The following NOS1AP variants were observed in gnomAD, a reference collection of about 807,000 sequenced individuals.
The protein encoded by NOS1AP is carboxyl-terminal PDZ ligand of neuronal nitric oxide synthase protein.
A neutral mutation model predicts 56.2 loss-of-function variants in NOS1AP; 21 were observed. The ratio of observed to expected loss-of-function variants is 0.37; its 90% CI spans 0.26 to 0.54. The LOEUF (loss-of-function observed/expected upper bound fraction) is 0.54. NOS1AP is among the 20% of genes least tolerant of loss of function. The pLI, the probability that NOS1AP is intolerant of heterozygous loss-of-function variation, is 0.84. For missense variants in NOS1AP, 522 were observed against 657.8 expected (o/e 0.79, Z 2.26); for synonymous variants, 270 against 274.6 (o/e 0.98, Z 0.17).
chr1:162,245,740 A>G (rs1469958186), intron 2 of NOS1AP, among the ~76,000 whole-genome samples: 2 of 152,226 alleles, frequency 1.3e-5, no homozygotes, highest in East Asian at 1.9e-4. Context: ...CAGAACGAGA[A>G]CATCTGTTTA....
At chr1:162,307,519 C>T (rs530746935) in intron 4 of NOS1AP, among the ~76,000 whole-genome samples, 1 of 152,314 alleles carries the variant, frequency 6.6e-6, no homozygotes, top group East Asian at 1.9e-4. Context: ...AATTAGAAGT[C>T]TAGGCCAGAC....
chr1:162,209,582 T>G (rs145976023), intron 2 of NOS1AP, among the ~76,000 whole-genome samples: 68 of 152,326 alleles, frequency 4.5e-4, no homozygotes, highest in African/African-American at 1.5e-3. Flanking sequence ...ATAAATGATC[T>G]TTATGATACC....
intron 1 of NOS1AP, among the ~76,000 whole-genome samples, chr1:162,101,522 G>A (rs778505534): frequency 1.3e-5 from 2 of 152,252 alleles, no homozygotes; most frequent in Non-Finnish European, 2.9e-5. Context: ...ATTACTTTGG[G>A]CAGTATGTAC....
At position 162,304,866 on chromosome 1, in the gene NOS1AP, T is replaced by C. The variant is rs183631156; in HGVS notation, c.344+4160T>C. On this transcript the variant is annotated intron_variant, in intron 4 of 9. Coordinates refer to ENST00000361897, the MANE Select transcript of NOS1AP (RefSeq NM_014697.3). Reference sequence around the variant, plus strand: ...TCCATTTTATCATGAACAAGGTTATTTATTATGATAATATGGTAACATTTA... The same window carrying C: ...TCCATTTTATCATGAACAAGGTTATCTATTATGATAATATGGTAACATTTA... 3.1e-3 allele frequency among the ~76,000 whole-genome samples: 464 copies of C among 151,998 alleles called. 3 individuals are homozygous for C. Among genetic ancestry groups the C allele is most frequent in the African/African-American group, 0.01 (435 of 41,464 alleles).
intron 2 of NOS1AP, among the ~76,000 whole-genome samples, chr1:162,260,220 G>A (rs1196723506): frequency 1.3e-5 from 2 of 152,106 alleles, no homozygotes. Flanking sequence ...ATTCTGGATG[G>A]CCCATATGGA....
chr1:162,290,953 T>C (rs954971279), intron 3 of NOS1AP, among the ~76,000 whole-genome samples: 1 of 151,976 alleles, frequency 6.6e-6, no homozygotes, highest in Non-Finnish European at 1.5e-5. Flanking sequence ...TCTGGAACCA[T>C]GCTTTTTGGT....
rs1018409341 is a variant in NOS1AP at position 162,188,038 on chromosome 1, T to C, written c.177+33562T>C. ...TGCCATCTTACTGTGAAGAAGCCCC[T>C]TCCTAGCAAGGAAAACTAGCAGCAG... On this transcript the variant is annotated intron_variant, in intron 2 of 9. Transcript: ENST00000361897. This position sits in a 1 kb window ranked among gnomAD's most constrained non-coding sequence, Gnocchi z 4.0. Among the ~76,000 whole-genome samples, 1 of 152,178 alleles carries C rather than the reference T, an allele frequency of 6.6e-6. No homozygotes were observed. Among genetic ancestry groups the C allele is most frequent in the Non-Finnish European group, 1.5e-5 (1 of 68,010 alleles).
At chr1:162,108,205 A>T (rs1175422832) in intron 1 of NOS1AP, among the ~76,000 whole-genome samples, 6 of 152,170 alleles carry the variant, frequency 3.9e-5, no homozygotes, top group Admixed American at 2.6e-4. Flanking sequence ...CAGGAGATAT[A>T]CAAGATGTGC....
At chr1:162,323,411 G>T (rs1433098767) in intron 4 of NOS1AP, among the ~76,000 whole-genome samples, 1 of 152,224 alleles carries the variant, frequency 6.6e-6, no homozygotes, top group Non-Finnish European at 1.5e-5. Context: ...TGTAATAATT[G>T]TTACAGCAGC....
chr1:162,098,418 A>C (rs1692298898), intron 1 of NOS1AP, among the ~76,000 whole-genome samples: 1 of 151,774 alleles, frequency 6.6e-6, no homozygotes, highest in Admixed American at 6.6e-5. Flanking sequence ...ATAGTTTCTT[A>C]ATTAAATTTG....
intron 2 of NOS1AP, among the ~76,000 whole-genome samples, chr1:162,264,402 C>CCTCCT (rs576845993): frequency 0.53 from 23,610 of 44,332 alleles, 6,628 homozygotes; most frequent in South Asian, 0.72. Context: ...TTTGCCCTCT[C>CCTCCT]CTCTTCTCTT....
intron 2 of NOS1AP, among the ~76,000 whole-genome samples, chr1:162,184,183 G>C (rs1651354065): frequency 6.6e-6 from 1 of 152,146 alleles, no homozygotes. Flanking sequence ...AGAGATGGGG[G>C]AATGGCTGGT....
At chr1:162,254,686 C>A (rs1363852599) in intron 2 of NOS1AP, among the ~76,000 whole-genome samples, 1 of 152,136 alleles carries the variant, frequency 6.6e-6, no homozygotes, top group African/African-American at 2.4e-5. Flanking sequence ...AAAGTGTGCT[C>A]TAAATTAACT....
intron 1 of NOS1AP, among the ~76,000 whole-genome samples, chr1:162,100,484 G>GT (rs1692359972): frequency 6.6e-6 from 1 of 152,088 alleles, no homozygotes; most frequent in Non-Finnish European, 1.5e-5. Flanking sequence ...GGGGTTGTTT[G>GT]TTTTTTTCTT....
chr1:162,222,897 A>C (rs188269701), intron 2 of NOS1AP, among the ~76,000 whole-genome samples: 38 of 152,356 alleles, frequency 2.5e-4, no homozygotes, highest in African/African-American at 7.9e-4. Context: ...TTAGGTCAAG[A>C]GAATGGAAGA....
At chr1:162,092,935 G>GT (rs1478719158) in intron 1 of NOS1AP, among the ~76,000 whole-genome samples, 1 of 152,088 alleles carries the variant, frequency 6.6e-6, no homozygotes, top group Non-Finnish European at 1.5e-5. Flanking sequence ...TTCTCATCTT[G>GT]TACCTCCTTT....
At chr1:162,289,268 CCTTCCTTCCTTT>C (rs768722051) in intron 3 of NOS1AP, among the ~76,000 whole-genome samples, 7,147 of 67,890 alleles carry the variant, frequency 0.11, 690 homozygotes, top group Non-Finnish European at 0.13. Context: ...TTCCTTCCTT[CCTTCCTTCCTTT>C]CCTTCCTTCC....
rs747954257 is a variant in NOS1AP at position 162,073,179 on chromosome 1, T to TGG, written c.105+2897_105+2898insGG. Among the ~76,000 whole-genome samples the TGG allele has an allele frequency of 1.9e-4, 29 of 152,242 alleles. No homozygotes were observed. In the East Asian group the frequency reaches 2.5e-3, roughly 13 times the overall value. On this transcript the variant is annotated intron_variant, in intron 1 of 9. Transcript: ENST00000361897. ...AGTACCTCATTTAATTCTCACTACT[T>TGG]CCCTAGGAGATGGGTCTCCTTATGT... is the stretch of plus-strand genomic sequence containing the variant.
intron 1 of NOS1AP, among the ~76,000 whole-genome samples, chr1:162,117,102 C>T (rs763531503): frequency 2.0e-5 from 3 of 152,004 alleles, no homozygotes; most frequent in East Asian, 1.9e-4. Flanking sequence ...TAAAAGTGCC[C>T]CTGTGGACAG....
Sources: gnomAD v4.1 joint callset for allele counts (sites outside exome capture counted in the v4.1 genomes callset) on GRCh38, gnomAD v4.1.1 for gene constraint, Gnocchi (gnomAD v3.1) non-coding constraint, MANE v1.5 for transcripts, NCBI Gene and HGNC (gene_info 2026-07-23, HGNC 2026-07-21) for gene names.